Variants in PIAS3 observed in about 807,000 individuals in gnomAD.
The protein encoded by PIAS3 is protein inhibitor of activated STAT 3.
In PIAS3, 34 loss-of-function variants were observed where a neutral mutation model predicts 67.6. That is an observed-to-expected ratio of 0.50 (90% CI 0.38 to 0.67). PIAS3 has a LOEUF of 0.67. Ranked by LOEUF, PIAS3 falls within the 30% of genes least tolerant of loss-of-function variation. The probability of loss-of-function intolerance (pLI) is 0.00; values close to 1 mark genes in which losing one functional copy is unlikely to be tolerated. For synonymous variants in PIAS3, 341 were observed against 313.8 expected (o/e 1.09, Z -0.92); for missense variants, 693 against 791.6 (o/e 0.88, Z 1.49).
rs1553734897 is a variant in PIAS3 at position 145,853,833 on chromosome 1, G to A, written c.964C>T (p.Arg322Trp). ...PDSEVATTSLRVSLMCPLGKM... is the reference protein window; with the variant it reads ...PDSEVATTSLWVSLMCPLGKM... ...CCCACCGGGCACATGAGTGACACCC[G>A]GAGACTTGTAGTGGCCACCTCACTG... is the stretch of plus-strand genomic sequence containing the variant. Residue 322 changes from arginine (R) to tryptophan (W), a missense_variant, in exon 8 of 14, where the codon CGG becomes TGG. Transcript: ENST00000393045. 15 of 1,614,024 alleles carry A rather than the reference G, an allele frequency of 9.3e-6. No homozygotes were observed. The highest frequency in any genetic ancestry group is 1.2e-5 in the Non-Finnish European group (14 of 1,179,970).
At position 145,849,618 on chromosome 1, in the gene PIAS3, G is replaced by A. The variant is rs1214467147; in HGVS notation, c.1715C>T (p.Pro572Leu). 5.0e-6 allele frequency: 8 copies of A among 1,613,368 alleles called. No homozygotes were observed. The African/African-American group carries it at 1.1e-4, about 22-fold the overall frequency. ...GGAGCTCCCCAGCGTGGGGGCCAGTGGGCCCAGAAAGTGAGAAGGGGTCCC... is the reference window on the plus strand; with the variant it reads ...GGAGCTCCCCAGCGTGGGGGCCAGTAGGCCCAGAAAGTGAGAAGGGGTCCC... ...YRGTPSHFLG[P>L]LAPTLGSSHC... Residue 572 changes from proline to leucine, a missense_variant, in exon 14 of 14, where the codon CCA becomes CTA. Physicochemically the swap from Pro to Leu is moderately conservative, Grantham distance 98. This residue lies in a region of PIAS3 where 270 missense variants were observed against 261.0 expected (regional missense o/e 1.03). Transcript: ENST00000393045.
At position 145,849,655 on chromosome 1, in the gene PIAS3, A is replaced by T. The variant is rs1019912768; in HGVS notation, c.1678T>A (p.Phe560Ile). 1.2e-5 allele frequency: 20 copies of T among 1,613,050 alleles called. No individual in the cohort carries two copies. The highest frequency in any genetic ancestry group is 1.6e-5 in the Non-Finnish European group (19 of 1,179,510). The change falls in exon 14 of 14, where the codon TTC becomes ATC. Residue 560 changes from phenylalanine to isoleucine, a missense_variant. Phe to Ile is a conservative substitution (Grantham distance 21, BLOSUM62 0). Transcript: ENST00000393045. ...LDEQDALGHF[F>I]QYRGTPSHFL... ...TGAGAAGGGGTCCCTCGGTACTGGA[A>T]GAAGTGGCCAAGGGCATCCTGTTCA...
rs1553736185 is a variant in PIAS3 at position 145,859,023 on chromosome 1, G to C, written c.-33C>G. On this transcript the variant is annotated 5_prime_UTR_variant, in exon 1 of 14. Transcript: ENST00000393045. ...CATCGCAGGCGCCCCAGCCGGAGCCGGAGCTCAGGCCCAGGGACCGGCGCA... is the reference window on the plus strand; with the variant it reads ...CATCGCAGGCGCCCCAGCCGGAGCCCGAGCTCAGGCCCAGGGACCGGCGCA... 2 of 1,542,074 alleles carry C rather than the reference G, an allele frequency of 1.3e-6. No homozygotes were observed. Among genetic ancestry groups the C allele is most frequent in the South Asian group, 1.2e-5 (1 of 83,156 alleles).
rs781929416 is a variant in PIAS3, at chr1:145,850,671, TCCACATTTCTCTTGCC to T, written c.1448+84_1449-86del. 4.4e-6 allele frequency: 7 copies of T among 1,594,790 alleles called. No individual in the cohort carries two copies. In the East Asian group the frequency reaches 1.6e-4, roughly 36 times the overall value. ...GTCCCCAGGTTCCCTCTCTGTCCCCTCCACATTTCTCTTGCCCCAGGCTTTGTCCAATGATCAGAAA... is the reference window on the plus strand; with the variant it reads ...GTCCCCAGGTTCCCTCTCTGTCCCCTCCAGGCTTTGTCCAATGATCAGAAA... On this transcript the variant is annotated intron_variant, in intron 11 of 13. Coordinates refer to ENST00000393045, the MANE Select transcript of PIAS3 (RefSeq NM_006099.3).
rs782619708 is a variant in PIAS3, at chr1:145,849,692, G to A, written c.1641C>T (p.Ile547=). ...TESQHYGPSV[I]TSLDEQDALG... is the part of the protein sequence containing the mutation. ...GGGCATCCTGTTCATCTAGTGAGGT[G>A]ATGACAGAGGGGCCATAGTGCTAGG... The change falls in exon 14 of 14, where the codon ATC becomes ATT. Residue 547 remains isoleucine (I), a synonymous_variant. Coordinates refer to ENST00000393045, the MANE Select transcript of PIAS3 (RefSeq NM_006099.3). 4 of 1,605,994 alleles carry A rather than the reference G, an allele frequency of 2.5e-6. No individual in the cohort carries two copies. The South Asian group carries it at 4.4e-5, about 18-fold the overall frequency.
chr1:145,850,015 A>T, intron 13 of PIAS3: 21 of 1,440,300 alleles, frequency 1.5e-5, no homozygotes, highest in Non-Finnish European at 1.9e-5. Context: ...TGAGTAGGCC[A>T]GGGCAGAAAA....
rs1553734889 is a variant in PIAS3 at position 145,853,822 on chromosome 1, G to A, written c.975C>T (p.Leu325=). 2.5e-6 allele frequency: 4 copies of A among 1,613,804 alleles called. No individual in the cohort carries two copies. Among genetic ancestry groups the A allele is most frequent in the South Asian group, 1.1e-5 (1 of 91,072 alleles). ...EVATTSLRVS[L]MCPLGKMRLT... ...CTCCCCTTTTACCCACCGGGCACAT[G>A]AGTGACACCCGGAGACTTGTAGTGG... The change falls in exon 8 of 14, where the codon CTC becomes CTT. Residue 325 remains leucine, a synonymous_variant. Transcript: ENST00000393045.
Position 145,859,069 on chromosome 1 carries a change from G to T in PIAS3, c.-79C>A. 1 of 1,423,560 alleles carries T rather than the reference G, an allele frequency of 7.0e-7. No individual in the cohort carries two copies. Among genetic ancestry groups the T allele is most frequent in the Non-Finnish European group, 9.5e-7 (1 of 1,057,366 alleles). 88.2% of individuals were successfully genotyped at this position (1,423,560 alleles called of 1,614,324 possible). On this transcript the variant is annotated 5_prime_UTR_variant, in exon 1 of 14. Transcript: ENST00000393045. The stretch of plus-strand genomic sequence containing the variant: ...GCGCACAACTCTCCACCCTGGCGCC[G>T]GCCGCAAATGCCGCCTGCTCCGCCC...
intron 4 of PIAS3, 33 bp from the exon 5 acceptor site, chr1:145,855,859 G>A: frequency 3.6e-6 from 5 of 1,387,244 alleles, no homozygotes; most frequent in Non-Finnish European, 5.1e-6. Context: ...GAAAGAGTGG[G>A]AAGAAATTTC....
chr1:145,850,225 C>T lies in PIAS3; in HGVS notation c.1620+7G>A, dbSNP rs587595548. 2 of 1,614,168 alleles carry T rather than the reference C, an allele frequency of 1.2e-6. No homozygotes were observed. Among genetic ancestry groups the T allele is most frequent in the South Asian group, 1.1e-5 (1 of 91,078 alleles). ...ATCTGAGACCTTCTGAAGAAAGAAC[C>T]ACTTACCTGACTCTCTGTCTGAAGA... On this transcript the variant is annotated splice_region_variant and intron_variant, in intron 13 of 13. Transcript: ENST00000393045.
rs1652857976 is a variant in PIAS3 at position 145,849,308 on chromosome 1, G to A, written c.*138C>T. ...TGCTGGCCTTGTCAGGCAGAGATGA[G>A]GCCAAAAGTAGGCATCTGTGAAGGT... On this transcript the variant is annotated 3_prime_UTR_variant, in exon 14 of 14. Coordinates refer to ENST00000393045, the MANE Select transcript of PIAS3 (RefSeq NM_006099.3). The A allele has an allele frequency of 1.2e-6, 1 of 838,996 alleles. No individual in the cohort carries two copies. Among genetic ancestry groups the A allele is most frequent in the Non-Finnish European group, 1.7e-6 (1 of 593,914 alleles). 52.0% of individuals were successfully genotyped at this position (838,996 alleles called of 1,614,324 possible).
chr1:145,853,611 C>T lies in PIAS3; in HGVS notation c.1038G>A (p.Leu346=), dbSNP rs782432165. 1 of 1,614,074 alleles carries T rather than the reference C, an allele frequency of 6.2e-7. No homozygotes were observed. ...GATAAAGGGCAGCATCGAAGCTCTG[C>T]AGGTGGGCGCAGGTGAGGGCACGAC... ...VPCRALTCAH[L]QSFDAALYLQ... The change falls in exon 9 of 14, where the codon CTG becomes CTA. Residue 346 remains leucine, a synonymous_variant. Coordinates refer to ENST00000393045, the MANE Select transcript of PIAS3 (RefSeq NM_006099.3).
rs2101685705 is a variant in PIAS3, at chr1:145,856,640, G to A, written c.391C>T (p.Pro131Ser). 1 of 1,583,052 alleles carries A rather than the reference G, an allele frequency of 6.3e-7. No individual in the cohort carries two copies. The highest frequency in any genetic ancestry group is 8.6e-7 in the Non-Finnish European group (1 of 1,163,428). The change falls in exon 2 of 14, where the codon CCA becomes TCA. Residue 131 changes from proline to serine, a missense_variant. Around this residue, in one of 3 missense-constraint regions of PIAS3, gnomAD observed 308 missense variants for 348.8 expected, o/e 0.88. Transcript: ENST00000393045. ...QPVHPDVTMK[P>S]LPFYEVYGEL... ...CCATAGACTTCATAGAAGGGCAATGGTTTCATGGTGACATCAGGGTGCACA... is the reference window on the plus strand; with the variant it reads ...CCATAGACTTCATAGAAGGGCAATGATTTCATGGTGACATCAGGGTGCACA...
At chr1:145,857,143 A>G in intron 1 of PIAS3, 137 bp from the exon 2 acceptor site, 1 of 763,242 alleles carries the variant, frequency 1.3e-6, no homozygotes, top group Non-Finnish European at 2.2e-6. Context: ...CAGCTAGTGG[A>G]TTACTGCCAG....
intron 13 of PIAS3, chr1:145,849,977 G>A: frequency 2.1e-6 from 3 of 1,428,230 alleles, no homozygotes; most frequent in East Asian, 2.5e-5. Context: ...AGCAGGCATG[G>A]TGCTCTAAGT....
chr1:145,858,916 G>A, intron 1 of PIAS3, 51 bp downstream of exon 1: 1 of 1,452,450 alleles, frequency 6.9e-7, no homozygotes, highest in Non-Finnish European at 9.1e-7. Context: ...TCCCGGACAC[G>A]GCGTACCGCC....
At chr1:145,856,453 T>C (rs1158867764) in intron 2 of PIAS3, 22 bp from the exon 3 acceptor site, 1 of 1,611,762 alleles carries the variant, frequency 6.2e-7, no homozygotes, top group Non-Finnish European at 8.5e-7. Flanking sequence ...AAGGGGCAGT[T>C]ATTCCAAGCC....
chr1:145,855,917 T>C, intron 4 of PIAS3, 91 bp from the exon 5 acceptor site: 3 of 1,070,368 alleles, frequency 2.8e-6, no homozygotes, highest in Non-Finnish European at 4.4e-6. Context: ...AAATCAGTCA[T>C]AGATGCCTGA....
chr1:145,848,646 G>C lies in PIAS3; in HGVS notation c.*800C>G, dbSNP rs1285710462. ...AAGAAGATTGGGAAGGAGGGCACAGGGTCCTTCCACCTCCCTGGAAAGGTG... is the reference window on the plus strand; with the variant it reads ...AAGAAGATTGGGAAGGAGGGCACAGCGTCCTTCCACCTCCCTGGAAAGGTG... On this transcript the variant is annotated 3_prime_UTR_variant, in exon 14 of 14. Coordinates refer to ENST00000393045, the MANE Select transcript of PIAS3 (RefSeq NM_006099.3). 1.7e-6 allele frequency: 1 copy of C among 603,642 alleles called. No individual in the cohort carries two copies. The highest frequency in any genetic ancestry group is 1.9e-5 in the African/African-American group (1 of 54,008). The allele number at this position is 603,642 out of a possible 1,614,324, so 37.4% of individuals were successfully genotyped here.
Sources: allele counts gnomAD v4.1 joint callset, GRCh38; gene constraint gnomAD v4.1.1; regional missense constraint gnomAD v4.1.1; transcripts MANE v1.5; gene names NCBI Gene and HGNC (gene_info 2026-07-23, HGNC 2026-07-21).